Variants in MX2 observed in about 807,000 individuals in gnomAD.
MX2 encodes MX dynamin like GTPase 2, also known as interferon-induced GTP-binding protein Mx2.
Under a neutral mutation model 74.0 loss-of-function variants are expected in MX2, and 51 were observed. The observed-to-expected ratio is 0.69, with a 90% CI of 0.55 to 0.87. The LOEUF is 0.87. Among genes scored for constraint, MX2 ranks in the 40% least tolerant of loss-of-function variants. The pLI, the probability that MX2 is intolerant of heterozygous loss-of-function variation, is 0.00. For synonymous variants in MX2, 369 were observed against 339.3 expected (o/e 1.09, Z -0.96); for missense variants, 832 against 908.7 (o/e 0.92, Z 1.09).
intron 4 of MX2, 52 bp from the exon 5 acceptor site, chr21:41,382,358 C>G: frequency 6.3e-7 from 1 of 1,581,790 alleles, no homozygotes. Context: ...ACTGCTTCCT[C>G]ACAGGGATCA....
At position 41,406,821 on chromosome 21, in the gene MX2, G is replaced by A; in HGVS notation, c.1728G>A (p.Gln576=). The change falls in exon 13 of 14, where the codon CAG becomes CAA. Residue 576 remains glutamine (Q), a synonymous_variant. Transcript: ENST00000330714. ...NMIQLQFRME[Q]MVFCQDQIYS... ...TCCAACTTCAGTTCAGAATGGAGCAGATGGTTTTTTGTCAAGATCAGATTT... is the reference window on the plus strand; with the variant it reads ...TCCAACTTCAGTTCAGAATGGAGCAAATGGTTTTTTGTCAAGATCAGATTT... 1 of 1,614,254 alleles carries A rather than the reference G, an allele frequency of 6.2e-7. No homozygotes were observed. Among genetic ancestry groups the A allele is most frequent in the South Asian group, 1.1e-5 (1 of 91,088 alleles).
intron 1 of MX2, chr21:41,365,869 G>C (rs1405172977): frequency 6.6e-6 from 1 of 152,230 alleles, no homozygotes; most frequent in Non-Finnish European, 1.5e-5. Context: ...CCCCAAAAGG[G>C]GACATTTGGA....
At chr21:41,376,483 G>T (rs760388826) in intron 1 of MX2, among the ~76,000 whole-genome samples, 15 of 152,216 alleles carry the variant, frequency 9.9e-5, no homozygotes, top group Middle Eastern at 3.4e-3. Context: ...GGAGGTTGAG[G>T]CTGCAGTGAG....
chr21:41,374,497 C>A (rs930052735), intron 1 of MX2, among the ~76,000 whole-genome samples: 21 of 152,194 alleles, frequency 1.4e-4, no homozygotes, highest in Non-Finnish European at 2.9e-4. Context: ...GACAGCAGAC[C>A]CCATGAGGAT....
At chr21:41,393,640 G>C (rs2145934692) in intron 6 of MX2, among the ~76,000 whole-genome samples, 1 of 152,162 alleles carries the variant, frequency 6.6e-6, no homozygotes, top group East Asian at 1.9e-4. Flanking sequence ...CTTGGTTCTG[G>C]GCTCTCCTTC....
chr21:41,377,846 C>G lies in MX2; in HGVS notation c.307C>G (p.Leu103Val), dbSNP rs986388114. The change falls in exon 3 of 14, where the codon CTC becomes GTC. Residue 103 changes from leucine (L) to valine (V), a missense_variant. By Grantham distance (32) the Leu-to-Val change is conservative. Coordinates refer to ENST00000330714, the MANE Select transcript of MX2 (RefSeq NM_002463.2). ...GCAGAAGGTGCGCCCCTGCATTGAC[C>G]TCATCGACTCCCTGCGGGCTCTGGG... ...YEQKVRPCID[L>V]IDSLRALGVE... The G allele has an allele frequency of 6.2e-7, 1 of 1,614,232 alleles. No homozygotes were observed. Among genetic ancestry groups the G allele is most frequent in the Non-Finnish European group, 8.5e-7 (1 of 1,180,048 alleles).
chr21:41,377,204 T>A (rs556135279), intron 2 of MX2, 49 bp downstream of exon 2: 97 of 1,603,704 alleles, frequency 6.0e-5, no homozygotes, highest in Non-Finnish European at 7.7e-5. Flanking sequence ...TGGCTGCCGG[T>A]GCAGAGGGCT....
At chr21:41,383,221 G>A (rs992746062) in intron 5 of MX2, among the ~76,000 whole-genome samples, 3 of 152,200 alleles carry the variant, frequency 2.0e-5, no homozygotes, top group African/African-American at 7.2e-5. Context: ...TTAGCCGGGT[G>A]CAGTGGTACA....
chr21:41,374,641 C>A (rs376364), intron 1 of MX2, among the ~76,000 whole-genome samples: 2 of 152,068 alleles, frequency 1.3e-5, no homozygotes, highest in Admixed American at 6.5e-5. Flanking sequence ...GCTAGCTTCC[C>A]ACTTCTCCAG....
chr21:41,406,103 C>T (rs2089882471), intron 12 of MX2, among the ~76,000 whole-genome samples: 1 of 152,214 alleles, frequency 6.6e-6, no homozygotes, highest in African/African-American at 2.4e-5. Context: ...ATTCTCCTGC[C>T]TCAGCCTCCC....
chr21:41,372,490 G>T (rs770479681), intron 1 of MX2, among the ~76,000 whole-genome samples: 2 of 152,194 alleles, frequency 1.3e-5, no homozygotes, highest in Non-Finnish European at 2.9e-5. Context: ...ATAGATGTCA[G>T]TTACTATTTT....
At position 41,399,216 on chromosome 21, in the gene MX2, G is replaced by A. The variant is rs1455437254; in HGVS notation, c.1293G>A (p.Gln431=). The change falls in exon 10 of 14, where the codon CAG becomes CAA. Residue 431 remains glutamine, a synonymous_variant. Transcript: ENST00000330714. ...TTCAGAAAATCAAGATGTTTAATCAGGACATCGAAAAGTTAGTAGAAGGAG... is the reference window on the plus strand; with the variant it reads ...TTCAGAAAATCAAGATGTTTAATCAAGACATCGAAAAGTTAGTAGAAGGAG... ...FLIEKIKMFN[Q]DIEKLVEGEE... is the part of the protein sequence containing the mutation. 2 of 1,613,890 alleles carry A rather than the reference G, an allele frequency of 1.2e-6. No individual in the cohort carries two copies. Among genetic ancestry groups the A allele is most frequent in the East Asian group, 2.2e-5 (1 of 44,880 alleles).
intron 1 of MX2, chr21:41,373,764 C>A (rs2089357554): frequency 6.8e-6 from 1 of 147,888 alleles, no homozygotes; most frequent in Admixed American, 6.7e-5. Flanking sequence ...GAGCTAGGCA[C>A]CAAACCTCAA....
At chr21:41,375,198 T>A (rs1337957072) in intron 1 of MX2, among the ~76,000 whole-genome samples, 9 of 152,288 alleles carry the variant, frequency 5.9e-5, no homozygotes, top group South Asian at 2.1e-4. Flanking sequence ...CTCCAGACAC[T>A]CCCTTGTCAC....
At position 41,380,497 on chromosome 21, in the gene MX2, C is replaced by T. The variant is rs1375136559; in HGVS notation, c.577+346C>T. Among the ~76,000 whole-genome samples the T allele has an allele frequency of 3.9e-5, 6 of 152,210 alleles. No individual in the cohort carries two copies. The highest frequency in any genetic ancestry group is 1.4e-4 in the African/African-American group (6 of 41,454). On this transcript the variant is annotated intron_variant, in intron 4 of 13. Transcript: ENST00000330714. This position sits in a 1 kb window ranked among gnomAD's most constrained non-coding sequence, Gnocchi z 4.3. Reference sequence around the variant, plus strand: ...CTCTTCCTTCCAGGTTTCTCCCCTTCACCTGCCCAATCCCTACTCGATCTT... The same window carrying T: ...CTCTTCCTTCCAGGTTTCTCCCCTTTACCTGCCCAATCCCTACTCGATCTT...
chr21:41,396,190 T>C (rs543816028), intron 7 of MX2, among the ~76,000 whole-genome samples: 3 of 152,340 alleles, frequency 2.0e-5, no homozygotes, highest in African/African-American at 7.2e-5. Flanking sequence ...CAGAAACCCG[T>C]GTGTACCACC....
intron 3 of MX2, 25 bp downstream of exon 3, chr21:41,378,006 T>C: frequency 6.2e-7 from 1 of 1,603,460 alleles, no homozygotes; most frequent in South Asian, 1.1e-5. Flanking sequence ...CCACCTTCCC[T>C]CCGCAGCAAG....
intron 1 of MX2, among the ~76,000 whole-genome samples, chr21:41,371,754 A>G (rs2089328065): frequency 6.6e-6 from 1 of 152,134 alleles, no homozygotes; most frequent in Non-Finnish European, 1.5e-5. Context: ...GCAGCTCCTT[A>G]AGGAGCTGAG....
intron 12 of MX2, 139 bp from the exon 13 acceptor site, chr21:41,406,602 AATC>A: frequency 1.1e-6 from 1 of 919,642 alleles, no homozygotes; most frequent in Non-Finnish European, 1.6e-6. Flanking sequence ...ACTTTCTAAA[AATC>A]ATCATTTCAA....
Sources: gnomAD v4.1 joint callset for allele counts (sites outside exome capture counted in the v4.1 genomes callset) on GRCh38, gnomAD v4.1.1 for gene constraint, Gnocchi (gnomAD v3.1) non-coding constraint, MANE v1.5 for transcripts, NCBI Gene and HGNC (gene_info 2026-07-23, HGNC 2026-07-21) for gene names.